The following NXPE2 variants were observed in gnomAD, a reference collection of about 807,000 sequenced individuals.
The protein encoded by NXPE2 is NXPE family member 2.
A neutral mutation model predicts 34.4 loss-of-function variants in NXPE2; 34 were observed. That is an observed-to-expected ratio of 0.99 (90% CI 0.75 to 1.31). NXPE2 has a LOEUF of 1.31. Ranked by LOEUF, NXPE2 falls within the 40% of genes most tolerant of loss-of-function variation. NXPE2 has a pLI of 0.00. For missense variants in NXPE2, 649 were observed against 672.5 expected (o/e 0.97, Z 0.39); for synonymous variants, 235 against 231.3 (o/e 1.02, Z -0.15).
chr11:114,508,529 T>C, the NXPE2 span, among the ~76,000 whole-genome samples: 138 of 152,330 alleles, frequency 9.1e-4, no homozygotes, highest in Non-Finnish European at 1.2e-3. Context: ...AGCAAGGTAT[T>C]GGTATAAGAA....
At chr11:114,729,635 A>G in the NXPE2 span, among the ~76,000 whole-genome samples, 1 of 151,872 alleles carries the variant, frequency 6.6e-6, no homozygotes, top group Non-Finnish European at 1.5e-5. Flanking sequence ...TGTGGTTTTG[A>G]TTTGTATTTC....
the NXPE2 span, among the ~76,000 whole-genome samples, chr11:114,490,727 T>G: frequency 6.6e-6 from 1 of 152,204 alleles, no homozygotes; most frequent in African/African-American, 2.4e-5. Flanking sequence ...ACTTAAATGT[T>G]AGACCTAAAA....
the NXPE2 span, among the ~76,000 whole-genome samples, chr11:114,811,699 C>T: frequency 6.6e-6 from 1 of 152,168 alleles, no homozygotes; most frequent in Non-Finnish European, 1.5e-5. Context: ...ACAAGAGTAT[C>T]AGCAAGGACA....
intron 3 of NXPE2, 90 bp downstream of exon 3, chr11:114,698,868 A>ATGTCAAT: frequency 8.3e-7 from 1 of 1,211,440 alleles, no homozygotes; most frequent in South Asian, 1.6e-5. Flanking sequence ...CTTTTGTATC[A>ATGTCAAT]TGTCAATTAT....
At chr11:114,601,548 T>A in the NXPE2 span, among the ~76,000 whole-genome samples, 2 of 94,272 alleles carry the variant, frequency 2.1e-5, no homozygotes, top group Non-Finnish European at 4.1e-5. Flanking sequence ...TATATATTAT[T>A]TATAATTATA....
At chr11:114,471,204 G>A in the NXPE2 span, among the ~76,000 whole-genome samples, 1 of 152,022 alleles carries the variant, frequency 6.6e-6, no homozygotes, top group Non-Finnish European at 1.5e-5. Flanking sequence ...AGAAATCATT[G>A]CCCAGCCAAA....
At chr11:114,781,224 C>T in the NXPE2 span, among the ~76,000 whole-genome samples, 3 of 152,172 alleles carry the variant, frequency 2.0e-5, no homozygotes, top group Non-Finnish European at 4.4e-5. Context: ...TCCCCTACCT[C>T]CTGAACCTGG....
the NXPE2 span, among the ~76,000 whole-genome samples, chr11:114,489,905 A>G: frequency 6.6e-6 from 1 of 152,202 alleles, no homozygotes; most frequent in Non-Finnish European, 1.5e-5. Flanking sequence ...TTAGGAAAAG[A>G]GGAAGTCACA....
chr11:114,745,207 G>A, the NXPE2 span, among the ~76,000 whole-genome samples: 1 of 152,158 alleles, frequency 6.6e-6, no homozygotes. Context: ...AATTTATAAA[G>A]AAATGAGGTT....
the NXPE2 span, among the ~76,000 whole-genome samples, chr11:114,492,094 G>T: frequency 1.5e-4 from 23 of 151,960 alleles, no homozygotes; most frequent in African/African-American, 5.6e-4. Flanking sequence ...CACCAACATG[G>T]CACATGTATA....
chr11:114,723,135 G>A, the NXPE2 span, among the ~76,000 whole-genome samples: 2 of 152,166 alleles, frequency 1.3e-5, no homozygotes, highest in Non-Finnish European at 2.9e-5. Flanking sequence ...GATGCCTCTG[G>A]TAGGGAGGAG....
the NXPE2 span, among the ~76,000 whole-genome samples, chr11:114,517,008 G>A: frequency 6.6e-6 from 1 of 152,268 alleles, no homozygotes; most frequent in South Asian, 2.1e-4. Flanking sequence ...CATCGTTAAT[G>A]AGGACAGGGA....
At chr11:114,754,538 A>G in the NXPE2 span, among the ~76,000 whole-genome samples, 1 of 152,230 alleles carries the variant, frequency 6.6e-6, no homozygotes. Flanking sequence ...AGGTTGGGTC[A>G]TGAGAGCCAT....
At chr11:114,689,018 G>A (rs1022177181) in intron 2 of NXPE2, among the ~76,000 whole-genome samples, 8 of 151,892 alleles carry the variant, frequency 5.3e-5, no homozygotes, top group Admixed American at 3.9e-4. Flanking sequence ...TATTGATCTT[G>A]TTTATATTTT....
the NXPE2 span, chr11:114,554,094 T>C: frequency 1.0e-6 from 1 of 985,474 alleles, no homozygotes; most frequent in South Asian, 4.7e-5. Context: ...ACTATCTGAC[T>C]CACTTGTCTC....
At chr11:114,734,207 A>T in the NXPE2 span, among the ~76,000 whole-genome samples, 66 of 152,124 alleles carry the variant, frequency 4.3e-4, no homozygotes, top group African/African-American at 1.6e-3. Flanking sequence ...TAGGTTTTCT[A>T]TATCTTGGTA....
the NXPE2 span, among the ~76,000 whole-genome samples, chr11:114,598,805 T>A: frequency 2.6e-5 from 4 of 151,564 alleles, no homozygotes; most frequent in African/African-American, 9.7e-5. Context: ...TGGGAGAGGC[T>A]TCCACAAAGT....
the NXPE2 span, among the ~76,000 whole-genome samples, chr11:114,474,766 G>A: frequency 6.6e-6 from 1 of 152,178 alleles, no homozygotes; most frequent in Admixed American, 6.5e-5. Context: ...CTTACTGTGT[G>A]ACAGACACCG....
the NXPE2 span, among the ~76,000 whole-genome samples, chr11:114,504,100 G>A: frequency 3.9e-5 from 6 of 152,270 alleles, no homozygotes; most frequent in South Asian, 2.1e-4. Flanking sequence ...CTGAGCCCAC[G>A]GCAACTGCCC....
Sources: gnomAD v4.1 joint callset for allele counts (sites outside exome capture counted in the v4.1 genomes callset) on GRCh38, gnomAD v4.1.1 for gene constraint, MANE v1.5 for transcripts, NCBI Gene and HGNC (gene_info 2026-07-23, HGNC 2026-07-21) for gene names.